Variants in TAOK1 observed in about 807,000 individuals in gnomAD.
TAOK1 encodes serine/threonine-protein kinase TAO1.
In TAOK1, 21 loss-of-function variants were observed where a neutral mutation model predicts 138.3. That is an observed-to-expected ratio of 0.15 (90% CI 0.11 to 0.22). The LOEUF is 0.22. Among genes scored for constraint, TAOK1 ranks in the 10% least tolerant of loss-of-function variants. The pLI is 1.00. For missense variants in TAOK1, 651 were observed against 1,227.7 expected (o/e 0.53, Z 7.02); for synonymous variants, 361 against 398.4 (o/e 0.91, Z 1.12).
At chr17:29,497,417 T>A (rs1438233423) in intron 11 of TAOK1, among the ~76,000 whole-genome samples, 1 of 152,134 alleles carries the variant, frequency 6.6e-6, no homozygotes, top group Non-Finnish European at 1.5e-5. Context: ...TCTATGTAGT[T>A]AAATTGTTAA....
intron 15 of TAOK1, among the ~76,000 whole-genome samples, chr17:29,515,766 G>A (rs560774855): frequency 1.3e-5 from 2 of 151,772 alleles, no homozygotes; most frequent in South Asian, 4.2e-4. Flanking sequence ...AACCCAGGAG[G>A]TGGAGGTTGC....
At chr17:29,413,712 C>T (rs1299541933) in intron 1 of TAOK1, among the ~76,000 whole-genome samples, 1 of 152,088 alleles carries the variant, frequency 6.6e-6, no homozygotes, top group Non-Finnish European at 1.5e-5. Flanking sequence ...TTTCCTTAAC[C>T]CTCAAGCAAA....
rs548553470 is a variant in TAOK1, at chr17:29,393,675, A to G, written c.-95+2651A>G. On this transcript the variant is annotated intron_variant, in intron 1 of 19. Coordinates refer to ENST00000261716, the MANE Select transcript of TAOK1 (RefSeq NM_020791.4). Reference sequence around the variant, plus strand: ...TCACTGGATTCTCTTTTAATGACTTAATTTTTGGCATTCTGATATCTGATT... The same window carrying G: ...TCACTGGATTCTCTTTTAATGACTTGATTTTTGGCATTCTGATATCTGATT... Among the ~76,000 whole-genome samples, 78 of 152,270 alleles carry G rather than the reference A, an allele frequency of 5.1e-4. 1 individual carries two copies. Among genetic ancestry groups the G allele is most frequent in the African/African-American group, 1.9e-3 (77 of 41,562 alleles).
intron 1 of TAOK1, among the ~76,000 whole-genome samples, chr17:29,426,517 G>A (rs1905646941): frequency 6.6e-6 from 1 of 152,152 alleles, no homozygotes. Flanking sequence ...TGCAGTAAAA[G>A]GCTAGAGGAA....
chr17:29,469,687 C>T (rs1008496918), intron 3 of TAOK1, among the ~76,000 whole-genome samples: 3 of 152,180 alleles, frequency 2.0e-5, no homozygotes, highest in Non-Finnish European at 4.4e-5. Flanking sequence ...TGTATATCTA[C>T]ATATGTATCT....
chr17:29,433,297 G>A (rs1598479378), intron 1 of TAOK1, among the ~76,000 whole-genome samples: 1 of 152,064 alleles, frequency 6.6e-6, no homozygotes, highest in South Asian at 2.1e-4. Context: ...TGGACGTGGT[G>A]GCGGGCATCT....
chr17:29,405,140 C>T (rs761197678), intron 1 of TAOK1, among the ~76,000 whole-genome samples: 7 of 152,030 alleles, frequency 4.6e-5, no homozygotes, highest in Non-Finnish European at 7.4e-5. Context: ...CCACCAGGCC[C>T]AGCTTATTTT....
At chr17:29,431,744 A>G (rs1234977744) in intron 1 of TAOK1, among the ~76,000 whole-genome samples, 1 of 151,326 alleles carries the variant, frequency 6.6e-6, no homozygotes, top group Non-Finnish European at 1.5e-5. Flanking sequence ...GGTTCAAGCA[A>G]TTCTGCCTCA....
intron 17 of TAOK1, among the ~76,000 whole-genome samples, chr17:29,526,918 G>C (rs1567744926): frequency 6.6e-6 from 1 of 150,464 alleles, no homozygotes; most frequent in African/African-American, 2.4e-5. Flanking sequence ...CACAAGGTCA[G>C]GAGATTGAGA....
At chr17:29,391,541 A>C (rs749223032) in intron 1 of TAOK1, among the ~76,000 whole-genome samples, 1 of 152,210 alleles carries the variant, frequency 6.6e-6, no homozygotes, top group Non-Finnish European at 1.5e-5. Flanking sequence ...GCAATGCTGC[A>C]GAAGTCCAAG....
At chr17:29,444,331 G>T (rs2030024572) in intron 1 of TAOK1, among the ~76,000 whole-genome samples, 1 of 152,154 alleles carries the variant, frequency 6.6e-6, no homozygotes, top group Non-Finnish European at 1.5e-5. Flanking sequence ...CAGCTCTGTT[G>T]TAACAATATT....
intron 1 of TAOK1, among the ~76,000 whole-genome samples, chr17:29,450,123 C>T (rs1172276996): frequency 6.6e-6 from 1 of 151,552 alleles, no homozygotes; most frequent in Non-Finnish European, 1.5e-5. Context: ...GTCTCTCTCT[C>T]TTGCCCAGGC....
At chr17:29,498,988 A>G (rs560036288) in intron 12 of TAOK1, among the ~76,000 whole-genome samples, 1 of 152,246 alleles carries the variant, frequency 6.6e-6, no homozygotes, top group Admixed American at 6.5e-5. Flanking sequence ...CTAACCTGTT[A>G]TCTCCATTTG....
At chr17:29,485,651 A>C (rs1231925095) in intron 8 of TAOK1, among the ~76,000 whole-genome samples, 1 of 107,688 alleles carries the variant, frequency 9.3e-6, no homozygotes, top group African/African-American at 3.1e-5. Flanking sequence ...CAAACAAATT[A>C]ATTAAATTAA....
chr17:29,476,795 T>C (rs1041651805), intron 4 of TAOK1, among the ~76,000 whole-genome samples: 3 of 152,176 alleles, frequency 2.0e-5, no homozygotes, highest in Non-Finnish European at 2.9e-5. Context: ...TGTTACGTTA[T>C]ATTGGCTTTT....
intron 16 of TAOK1, among the ~76,000 whole-genome samples, chr17:29,519,768 T>A (rs531295864): frequency 2.6e-5 from 4 of 152,350 alleles, no homozygotes; most frequent in African/African-American, 9.6e-5. Flanking sequence ...ATATTGCCCC[T>A]TTGGAGCAGG....
Position 29,510,913 on chromosome 17 carries a change from C to T in TAOK1, c.1625C>T (p.Ala542Val), listed in dbSNP as rs1374120161. 3 of 1,610,006 alleles carry T rather than the reference C, an allele frequency of 1.9e-6. No individual in the cohort carries two copies. The highest frequency in any genetic ancestry group is 1.7e-5 in the Admixed American group (1 of 59,508). ...AAAAAATTTCAGCAACATATTCAGG[C>T]CCAACAGAAGAAAGAACTGAATAGT... ...EEKKFQQHIQAQQKKELNSFL... is the reference protein window; with the variant it reads ...EEKKFQQHIQVQQKKELNSFL... The change falls in exon 15 of 20, where the codon GCC (alanine) becomes GTC (valine). Residue 542 changes from alanine (A) to valine (V), a missense_variant. This residue lies in a region of TAOK1 where 258 missense variants were observed against 548.9 expected (regional missense o/e 0.47). Transcript: ENST00000261716.
At chr17:29,495,039 T>G (rs1237140075) in intron 10 of TAOK1, among the ~76,000 whole-genome samples, 1 of 152,212 alleles carries the variant, frequency 6.6e-6, no homozygotes, top group Non-Finnish European at 1.5e-5. Context: ...GGTGAAATTA[T>G]ATTAAATGCT....
chr17:29,495,542 A>G lies in TAOK1; in HGVS notation c.832-18A>G. The G allele has an allele frequency of 1.3e-6, 2 of 1,526,760 alleles. No individual in the cohort carries two copies. Among genetic ancestry groups the G allele is most frequent in the South Asian group, 1.3e-5 (1 of 74,108 alleles). The allele number at this position is 1,526,760 out of a possible 1,614,324, so 94.6% of individuals were successfully genotyped here. ...TAATTGAAAAAAAAATCAACCTTTT[A>G]CCTTCTACCCTATCTAGCACATATT... On this transcript the variant is annotated intron_variant, in intron 10 of 19. Transcript: ENST00000261716.
Sources: allele counts gnomAD v4.1 joint callset (sites outside exome capture counted in the v4.1 genomes callset), GRCh38; gene constraint gnomAD v4.1.1; regional missense constraint gnomAD v4.1.1; transcripts MANE v1.5; gene names NCBI Gene and HGNC (gene_info 2026-07-23, HGNC 2026-07-21).